M1AP: variants seen among roughly 807,000 people sequenced by gnomAD.
The protein encoded by M1AP is meiosis 1 arrest protein.
In M1AP, 39 loss-of-function variants were observed where a neutral mutation model predicts 51.2. That is an observed-to-expected ratio of 0.76 (90% CI 0.59 to 1.00). The LOEUF is 1.00. Ranked by LOEUF, M1AP falls within the 50% of genes least tolerant of loss-of-function variation. The pLI is 0.00. For synonymous variants in M1AP, 251 were observed against 249.2 expected, an observed-to-expected ratio of 1.01 and a Z score of -0.07; for missense variants, 545 against 641.2, an observed-to-expected ratio of 0.85 and a Z score of 1.62.
At chr2:74,619,482 AG>A (rs1558686076) in intron 2 of M1AP, 1 of 152,654 alleles carries the variant, frequency 6.6e-6, no homozygotes, top group Non-Finnish European at 1.5e-5. Context: ...AAAAGACTTA[AG>A]ATCAGAGCTC....
rs1213031932 is a variant in M1AP at position 74,582,589 on chromosome 2, G to A, written c.596-742C>T. On this transcript the variant is annotated intron_variant, in intron 4 of 10. Coordinates refer to ENST00000421985, the MANE Select transcript of M1AP (RefSeq NM_001321739.2). Reference sequence around the variant, plus strand: ...TATATATGTAAATGCATTTTACAAAGCTCTGGAAGGCTATCATCAAACTGT... The same window carrying A: ...TATATATGTAAATGCATTTTACAAAACTCTGGAAGGCTATCATCAAACTGT... Among the ~76,000 whole-genome samples the A allele has an allele frequency of 2.8e-4, 43 of 152,098 alleles. 1 individual carries two copies. Among genetic ancestry groups the A allele is most frequent in the Admixed American group, 2.8e-3 (43 of 15,266 alleles).
chr2:74,597,162 A>G (rs1030892961), intron 4 of M1AP, among the ~76,000 whole-genome samples: 6 of 152,246 alleles, frequency 3.9e-5, no homozygotes, highest in African/African-American at 4.8e-5. Flanking sequence ...CAATTTTTAA[A>G]TACTTTTAGA....
intron 1 of M1AP, among the ~76,000 whole-genome samples, chr2:74,644,494 C>T (rs756108206): frequency 3.3e-5 from 5 of 150,608 alleles, no homozygotes; most frequent in Admixed American, 6.6e-5. Flanking sequence ...GCCAAGATCG[C>T]GCCATTGCAC....
At chr2:74,591,626 G>C (rs919060297) in intron 4 of M1AP, among the ~76,000 whole-genome samples, 8 of 152,226 alleles carry the variant, frequency 5.3e-5, no homozygotes, top group African/African-American at 1.9e-4. Context: ...ACCACACCAA[G>C]CAGTTTTGAC....
chr2:74,629,691 G>A (rs1682594240), intron 2 of M1AP, among the ~76,000 whole-genome samples: 1 of 151,934 alleles, frequency 6.6e-6, no homozygotes, highest in African/African-American at 2.4e-5. Context: ...GGTGGAGATT[G>A]CAGTGAGCTG....
intron 4 of M1AP, among the ~76,000 whole-genome samples, chr2:74,596,514 G>A (rs1418029028): frequency 6.6e-6 from 1 of 152,010 alleles, no homozygotes; most frequent in Non-Finnish European, 1.5e-5. Flanking sequence ...CCTGGGAGGT[G>A]GAGCTTGCAG....
At chr2:74,642,416 CCT>C (rs1461037806) in intron 1 of M1AP, among the ~76,000 whole-genome samples, 1 of 152,030 alleles carries the variant, frequency 6.6e-6, no homozygotes, top group Non-Finnish European at 1.5e-5. Context: ...CGCAAAAAAG[CCT>C]CTGTTTAAAA....
intron 2 of M1AP, among the ~76,000 whole-genome samples, chr2:74,627,359 G>A (rs1226602539): frequency 6.6e-6 from 1 of 152,058 alleles, no homozygotes; most frequent in African/African-American, 2.4e-5. Context: ...TGATTTTGCT[G>A]TGGATTATTT....
chr2:74,607,025 A>T, intron 4 of M1AP, 30 bp downstream of exon 4: 1 of 1,605,252 alleles, frequency 6.2e-7, no homozygotes, highest in South Asian at 1.1e-5. Flanking sequence ...AATTCTTACA[A>T]TTCTTTTTAC....
At chr2:74,562,920 A>C (rs1483772814) in intron 7 of M1AP, among the ~76,000 whole-genome samples, 1 of 152,106 alleles carries the variant, frequency 6.6e-6, no homozygotes, top group East Asian at 1.9e-4. Flanking sequence ...TCTCTGTCTC[A>C]AAAGGAAAAA....
chr2:74,648,311 C>T lies in M1AP; in HGVS notation c.-99G>A, dbSNP rs772330858. Reference sequence around the variant, plus strand: ...CCCCTCACCTGGTCCTCCCGGCTCTCAGCGTGCGCCCGCGCGTTCGGAGGC... The same window carrying T: ...CCCCTCACCTGGTCCTCCCGGCTCTTAGCGTGCGCCCGCGCGTTCGGAGGC... On this transcript the variant is annotated 5_prime_UTR_variant, in exon 1 of 11. Transcript: ENST00000421985. 2.5e-5 allele frequency: 25 copies of T among 985,568 alleles called. No individual in the cohort carries two copies. The highest frequency in any genetic ancestry group is 3.0e-5 in the Non-Finnish European group (25 of 830,018). 61.1% of individuals were successfully genotyped at this position (985,568 alleles called of 1,614,324 possible).
At chr2:74,648,076 G>A (rs918428847) in intron 1 of M1AP, 189 bp downstream of exon 1, 1 of 985,532 alleles carries the variant, frequency 1.0e-6, no homozygotes, top group African/African-American at 1.7e-5. Flanking sequence ...ACAGTATGCG[G>A]AGGGATGACT....
At chr2:74,638,898 T>C (rs926970844) in intron 2 of M1AP, among the ~76,000 whole-genome samples, 6 of 152,228 alleles carry the variant, frequency 3.9e-5, no homozygotes, top group Admixed American at 1.3e-4. Context: ...AAACAATGAA[T>C]AGAGGTACCA....
chr2:74,560,390 T>G, intron 8 of M1AP, 99 bp from the exon 9 acceptor site: 1 of 1,301,032 alleles, frequency 7.7e-7, no homozygotes. Context: ...GGAGGAAGTG[T>G]GAAACCCCAG....
chr2:74,611,889 T>TG (rs1157045387), intron 3 of M1AP, among the ~76,000 whole-genome samples: 19 of 70,010 alleles, frequency 2.7e-4, no homozygotes, highest in Admixed American at 7.2e-4. Flanking sequence ...AGTGTTTTTT[T>TG]TTTTTTTTTT....
chr2:74,644,301 A>C (rs1683470786), intron 1 of M1AP, among the ~76,000 whole-genome samples: 1 of 152,208 alleles, frequency 6.6e-6, no homozygotes, highest in Non-Finnish European at 1.5e-5. Flanking sequence ...GCACTTTGAG[A>C]GGCTGAGGCG....
At chr2:74,595,609 C>T (rs1178859074) in intron 4 of M1AP, among the ~76,000 whole-genome samples, 3 of 152,214 alleles carry the variant, frequency 2.0e-5, no homozygotes, top group African/African-American at 7.2e-5. Flanking sequence ...GTCTTGGCCT[C>T]TCAAGGTGCT....
chr2:74,613,681 CTG>C (rs1215879538), intron 3 of M1AP, among the ~76,000 whole-genome samples: 1 of 152,100 alleles, frequency 6.6e-6, no homozygotes, highest in East Asian at 1.9e-4. Flanking sequence ...GAGTAACTAC[CTG>C]TTAGGGTAGT....
chr2:74,575,383 T>C, intron 7 of M1AP, 55 bp downstream of exon 7: 1 of 1,605,944 alleles, frequency 6.2e-7, no homozygotes, highest in Non-Finnish European at 8.5e-7. Context: ...TGCTTTTCTG[T>C]GGTTGGTACT....
Sources: allele counts gnomAD v4.1 joint callset (sites outside exome capture counted in the v4.1 genomes callset), GRCh38; gene constraint gnomAD v4.1.1; transcripts MANE v1.5; gene names NCBI Gene and HGNC (gene_info 2026-07-23, HGNC 2026-07-21).